The following RBM19 variants were observed in gnomAD, a reference collection of about 807,000 sequenced individuals.
The protein encoded by RBM19 is RNA binding motif protein 19.
In RBM19, 94 loss-of-function variants were observed where a neutral mutation model predicts 116.8. The observed-to-expected ratio is 0.80, with a 90% CI of 0.68 to 0.95. The LOEUF (loss-of-function observed/expected upper bound fraction) is 0.95. Among genes scored for constraint, RBM19 ranks in the 40% least tolerant of loss-of-function variants. The pLI is 0.00. For synonymous variants in RBM19, 475 were observed against 494.1 expected (o/e 0.96, Z 0.51); for missense variants, 1,161 against 1,220.7 (o/e 0.95, Z 0.73).
chr12:113,924,792 C>A, intron 17 of RBM19, 35 bp from the exon 18 acceptor site: 2 of 1,511,340 alleles, frequency 1.3e-6, no homozygotes, highest in Non-Finnish European at 1.8e-6. Flanking sequence ...ATCAGCAGCT[C>A]TAAACCACTA....
At chr12:113,819,189 A>G (rs11066771), downstream of RBM19, among the ~76,000 whole-genome samples, 50,248 of 152,082 alleles carry the variant, frequency 0.33, 8,878 homozygotes, top group Non-Finnish European at 0.39. Context: ...CACTCTGGAA[A>G]CAGCCTGTCC....
intron 13 of RBM19, among the ~76,000 whole-genome samples, chr12:113,944,821 G>T (rs1223010459): frequency 6.7e-6 from 1 of 150,144 alleles, no homozygotes. Flanking sequence ...ATATATACAT[G>T]TGTATATATG....
intron 21 of RBM19, among the ~76,000 whole-genome samples, chr12:113,889,948 C>T (rs1234434429): frequency 3.9e-5 from 6 of 152,162 alleles, no homozygotes; most frequent in East Asian, 1.9e-4. Flanking sequence ...CGCTCAGATC[C>T]GCACCCTCCT....
At chr12:113,906,945 C>T (rs181145079) in intron 21 of RBM19, among the ~76,000 whole-genome samples, 21 of 152,078 alleles carry the variant, frequency 1.4e-4, no homozygotes, top group Admixed American at 8.5e-4. Context: ...ACGCCAGAGA[C>T]GACAGAGGCA....
intron 1 of RBM19, among the ~76,000 whole-genome samples, chr12:113,963,425 G>A (rs1400718212): frequency 6.6e-6 from 1 of 152,196 alleles, no homozygotes; most frequent in African/African-American, 2.4e-5. Flanking sequence ...CCCACGAACA[G>A]CCAAAATAAG....
intron 21 of RBM19, among the ~76,000 whole-genome samples, chr12:113,865,817 A>C (rs1878754037): frequency 6.6e-6 from 1 of 151,898 alleles, no homozygotes; most frequent in African/African-American, 2.4e-5. Context: ...GCAATGAATC[A>C]TCACAGCAAG....
At chr12:113,848,942 C>CA (rs1877217290) in intron 22 of RBM19, among the ~76,000 whole-genome samples, 1 of 152,198 alleles carries the variant, frequency 6.6e-6, no homozygotes, top group African/African-American at 2.4e-5. Flanking sequence ...CACGGCACTC[C>CA]AAGCATATGA....
chr12:113,835,999 G>C lies in RBM19; in HGVS notation c.2785+8669C>G, dbSNP rs1035422256. On this transcript the variant is annotated intron_variant, in intron 23 of 23. Coordinates refer to ENST00000261741, the MANE Select transcript of RBM19 (RefSeq NM_016196.4). ...TCTCGGCTGCGCTCGCAGGTACTGTGGCCTGCCGCGGCCCTGAAAGCTTCT... is the reference window on the plus strand; with the variant it reads ...TCTCGGCTGCGCTCGCAGGTACTGTCGCCTGCCGCGGCCCTGAAAGCTTCT... Among the ~76,000 whole-genome samples, 68 of 152,196 alleles carry C rather than the reference G, an allele frequency of 4.5e-4. 1 individual carries two copies. The highest frequency in any genetic ancestry group is 1.4e-3 in the African/African-American group (58 of 41,442).
chr12:113,827,168 C>T (rs985815459), intron 23 of RBM19, among the ~76,000 whole-genome samples: 7 of 152,154 alleles, frequency 4.6e-5, no homozygotes, highest in African/African-American at 9.7e-5. Context: ...AATGCAGAAC[C>T]GGAGAAAGGT....
chr12:113,920,577 C>T, intron 19 of RBM19, 34 bp downstream of exon 19: 1 of 1,588,700 alleles, frequency 6.3e-7, no homozygotes, highest in Non-Finnish European at 8.6e-7. Context: ...TGCCAAGTGC[C>T]TCCGTGGCCC....
chr12:113,884,122 A>C (rs1026997392), intron 21 of RBM19, among the ~76,000 whole-genome samples: 37 of 151,194 alleles, frequency 2.4e-4, no homozygotes, highest in Non-Finnish European at 3.7e-4. Context: ...CAAAAAAAAA[A>C]AAAAACAAAA....
At chr12:113,953,839 G>C (rs1017867079) in intron 7 of RBM19, among the ~76,000 whole-genome samples, 1 of 151,548 alleles carries the variant, frequency 6.6e-6, no homozygotes, top group African/African-American at 2.4e-5. Flanking sequence ...GCTAAAAATG[G>C]TTTTTACATT....
chr12:113,944,691 A>AG (rs59451723), intron 13 of RBM19, among the ~76,000 whole-genome samples: 24,867 of 151,636 alleles, frequency 0.16, 2,777 homozygotes, highest in African/African-American at 0.32. Flanking sequence ...GCCACTCGGG[A>AG]GGTGAGGTGG....
chr12:113,942,302 T>C (rs1870640692), intron 14 of RBM19, 22 bp downstream of exon 14: 1 of 1,571,402 alleles, frequency 6.4e-7, no homozygotes, highest in Admixed American at 1.8e-5. Flanking sequence ...GCTGGCTGGC[T>C]GGCGCCACCG....
intron 21 of RBM19, among the ~76,000 whole-genome samples, chr12:113,863,236 T>TGTGTGTGTGTGTGA (rs1555232815): frequency 7.7e-5 from 11 of 142,188 alleles, no homozygotes; most frequent in Middle Eastern, 7.1e-3. Context: ...TGTGTGTGTG[T>TGTGTGTGTGTGTGA]GGGGCCAGCG....
Position 113,825,453 on chromosome 12 carries a change from T to C in RBM19, c.2786-2132A>G, listed in dbSNP as rs1593447683. Reference sequence around the variant, plus strand: ...AATCGCCAGCCCTGGAGGTGCACAATGGCCTCTGGAAATTGAATTTGTGGG... The same window carrying C: ...AATCGCCAGCCCTGGAGGTGCACAACGGCCTCTGGAAATTGAATTTGTGGG... On this transcript the variant is annotated intron_variant, in intron 23 of 23. Coordinates refer to ENST00000261741, the MANE Select transcript of RBM19 (RefSeq NM_016196.4). This position sits in a 1 kb window ranked among gnomAD's most constrained non-coding sequence, Gnocchi z 5.7. Among the ~76,000 whole-genome samples, 1 of 152,112 alleles carries C rather than the reference T, an allele frequency of 6.6e-6. No individual in the cohort carries two copies. Among genetic ancestry groups the C allele is most frequent in the South Asian group, 2.1e-4 (1 of 4,818 alleles).
intron 9 of RBM19, 130 bp from the exon 10 acceptor site, chr12:113,949,166 A>G (rs1258585633): frequency 4.9e-6 from 4 of 818,168 alleles, no homozygotes; most frequent in Non-Finnish European, 7.9e-6. Context: ...ACAGCACCCA[A>G]CACCTGCCCT....
chr12:113,925,826 G>A (rs11830033), intron 17 of RBM19, among the ~76,000 whole-genome samples: 19 of 152,122 alleles, frequency 1.2e-4, no homozygotes, highest in Non-Finnish European at 2.2e-4. Flanking sequence ...CCCGGATAAT[G>A]ATGTTCCCAT....
At chr12:113,913,307 C>T (rs546147768) in intron 21 of RBM19, among the ~76,000 whole-genome samples, 9 of 152,204 alleles carry the variant, frequency 5.9e-5, no homozygotes, top group Non-Finnish European at 8.8e-5. Flanking sequence ...GCAGACATAC[C>T]GAGAGGCTAA....
Sources: allele counts gnomAD v4.1 joint callset (sites outside exome capture counted in the v4.1 genomes callset), GRCh38; gene constraint gnomAD v4.1.1; non-coding constraint Gnocchi (gnomAD v3.1); transcripts MANE v1.5; gene names NCBI Gene and HGNC (gene_info 2026-07-23, HGNC 2026-07-21).